Variants in SCAF11 observed in about 807,000 individuals in gnomAD.
SCAF11 encodes SR-related CTD associated factor 11.
Under a neutral mutation model 140.5 loss-of-function variants are expected in SCAF11, and 47 were observed. The observed-to-expected ratio is 0.33, with a 90% CI of 0.26 to 0.43. The LOEUF is 0.43. SCAF11 is among the 20% of genes least tolerant of loss of function. The pLI is 1.00. For synonymous variants in SCAF11, 557 were observed against 579.4 expected, an observed-to-expected ratio of 0.96 and a Z score of 0.55; for missense variants, 1,645 against 1,705.1, an observed-to-expected ratio of 0.96 and a Z score of 0.62.
intron 13 of SCAF11, 57 bp downstream of exon 13, chr12:45,922,878 AT>A: frequency 6.7e-7 from 1 of 1,485,502 alleles, no homozygotes; most frequent in Non-Finnish European, 9.4e-7. Context: ...AAAAGCTGAT[AT>A]TTTTTCTCCT....
At position 45,922,811 on chromosome 12, in the gene SCAF11, AAAT is replaced by A. The variant is rs1404660005; in HGVS notation, c.4125+122_4125+124del. 2.1e-5 allele frequency: 19 copies of A among 926,718 alleles called. No homozygotes were observed. In the Admixed American group the frequency reaches 3.4e-4, roughly 16 times the overall value. The allele number at this position is 926,718 out of a possible 1,614,324, so 57.4% of individuals were successfully genotyped here. ...TCAACACATCTAGAGAGAATCCTTCAAATAATAATGGCATTTAGACAGCCAATA... is the reference window on the plus strand; with the variant it reads ...TCAACACATCTAGAGAGAATCCTTCAAATAATGGCATTTAGACAGCCAATA... On this transcript the variant is annotated intron_variant, in intron 13 of 14. Coordinates refer to ENST00000369367, the MANE Select transcript of SCAF11 (RefSeq NM_004719.3).
intron 1 of SCAF11, among the ~76,000 whole-genome samples, chr12:45,985,445 T>C (rs1050339375): frequency 1.3e-4 from 20 of 152,160 alleles, no homozygotes; most frequent in South Asian, 2.1e-4. Flanking sequence ...TACCATTCTG[T>C]TTGAGCTCTA....
Position 45,926,961 on chromosome 12 carries a change from G to A in SCAF11, c.2740C>T (p.Arg914Ter). 4 of 1,612,198 alleles carry A rather than the reference G, an allele frequency of 2.5e-6. No individual in the cohort carries two copies. Among genetic ancestry groups the A allele is most frequent in the Non-Finnish European group, 3.4e-6 (4 of 1,179,944 alleles). ...CTCTGCCCATCTCTATCACTTTCTCGTTCTCTGCTCTGGGACCTGGATTTT... is the reference window on the plus strand; with the variant it reads ...CTCTGCCCATCTCTATCACTTTCTCATTCTCTGCTCTGGGACCTGGATTTT... ...GEKSRSQSRE[R>*]ESDRDGQRRE... The change falls in exon 11 of 15, where the codon CGA (arginine) becomes TGA (stop). Residue 914 changes from arginine (R) to a stop codon, truncating the protein, a stop_gained. Coordinates refer to ENST00000369367, the MANE Select transcript of SCAF11 (RefSeq NM_004719.3). LOFTEE classifies it high-confidence loss of function.
intron 1 of SCAF11, among the ~76,000 whole-genome samples, chr12:45,978,734 A>T (rs1946289218): frequency 6.6e-6 from 1 of 152,166 alleles, no homozygotes; most frequent in South Asian, 2.1e-4. Context: ...CACTTGGTGT[A>T]CCCTGGAAAG....
At chr12:45,922,222 T>C in intron 14 of SCAF11, 28 bp from the exon 15 acceptor site, 1 of 1,580,980 alleles carries the variant, frequency 6.3e-7, no homozygotes, top group Non-Finnish European at 8.5e-7. Context: ...GGGGGTAAAC[T>C]TTTTTCATGC....
At position 45,927,845 on chromosome 12, in the gene SCAF11, A is replaced by G; in HGVS notation, c.1856T>C (p.Ile619Thr). 1 of 1,613,984 alleles carries G rather than the reference A, an allele frequency of 6.2e-7. No individual in the cohort carries two copies. The stretch of plus-strand genomic sequence containing the variant: ...AACAGATTGTCTGTCCACTGTCTGT[A>G]TAATTTCACCCTCAGAAGATTCTAA... ...PKLESSEGEI[I>T]QTVDRQSVKS... Residue 619 changes from isoleucine (I) to threonine (T), a missense_variant, in exon 11 of 15, where the codon ATA (isoleucine) becomes ACA (threonine). This residue lies in a region of SCAF11 where 1,582 missense variants were observed against 1,609.2 expected (regional missense o/e 0.98). Coordinates refer to ENST00000369367, the MANE Select transcript of SCAF11 (RefSeq NM_004719.3).
intron 5 of SCAF11, among the ~76,000 whole-genome samples, chr12:45,946,516 C>G (rs995304784): frequency 1.3e-5 from 2 of 152,026 alleles, no homozygotes; most frequent in African/African-American, 4.8e-5. Flanking sequence ...TCAGAAAAAG[C>G]AGTTAAATAT....
rs146968172 is a variant in SCAF11, at chr12:45,919,637, C to T, written c.*2411G>A. ...ATGTATTTTTTCAACATAAAGCATG[C>T]ATTTTCTAATACATTCTTAAACATT... On this transcript the variant is annotated 3_prime_UTR_variant, in exon 15 of 15. Coordinates refer to ENST00000369367, the MANE Select transcript of SCAF11 (RefSeq NM_004719.3). The T allele has an allele frequency of 1.3e-5, 2 of 152,272 alleles. No homozygotes were observed. The highest frequency in any genetic ancestry group is 4.8e-5 in the African/African-American group (2 of 41,576). The allele number at this position is 152,272 out of a possible 1,614,324, so 9.4% of individuals were successfully genotyped here.
At chr12:45,991,259 C>A (rs1946604052), upstream of SCAF11, among the ~76,000 whole-genome samples, 1 of 152,212 alleles carries the variant, frequency 6.6e-6, no homozygotes, top group East Asian at 1.9e-4. Context: ...TGTCTTAACC[C>A]CACATCACAA....
rs115343245 is a variant in SCAF11 at position 45,971,775 on chromosome 12, T to C, written c.-21-7587A>G. ...TTCCCAAATGATCTGGTGATGGTAG[T>C]GGGTGCAACAGTGGCAGCAGCAGGA... On this transcript the variant is annotated intron_variant, in intron 1 of 14. Transcript: ENST00000369367. Among the ~76,000 whole-genome samples, 413 of 152,146 alleles carry C rather than the reference T, an allele frequency of 2.7e-3. 3 individuals carry two copies. Among genetic ancestry groups the C allele is most frequent in the African/African-American group, 9.3e-3 (388 of 41,498 alleles).
chr12:45,972,931 T>TATATAGATATAGATATAGATATCG, intron 1 of SCAF11, among the ~76,000 whole-genome samples: 1 of 76,186 alleles, frequency 1.3e-5, no homozygotes, highest in South Asian at 3.2e-4. Context: ...GATATATAGA[T>TATATAGATATAGATATAGATATCG]ATATATAGAT....
At chr12:45,937,090 T>C (rs1020468791) in intron 6 of SCAF11, among the ~76,000 whole-genome samples, 4 of 152,168 alleles carry the variant, frequency 2.6e-5, no homozygotes, top group African/African-American at 9.6e-5. Context: ...TCTTCATATC[T>C]GGACACCTGT....
At chr12:45,972,864 C>T (rs11183256) in intron 1 of SCAF11, among the ~76,000 whole-genome samples, 8 of 66,324 alleles carry the variant, frequency 1.2e-4, no homozygotes, top group South Asian at 1.1e-3. Flanking sequence ...ATATATATAT[C>T]GATATATATA....
chr12:45,971,935 C>T (rs887376227), intron 1 of SCAF11, among the ~76,000 whole-genome samples: 10 of 152,060 alleles, frequency 6.6e-5, no homozygotes, highest in African/African-American at 1.4e-4. Flanking sequence ...AAATGAAAAC[C>T]AATTTTCTGG....
chr12:45,929,440 G>A (rs1944990265), intron 10 of SCAF11: 1 of 152,252 alleles, frequency 6.6e-6, no homozygotes, highest in South Asian at 2.1e-4. Flanking sequence ...ATACAGGCGT[G>A]AGCTACTGTG....
In SCAF11 at chr12:45,948,502, G is replaced by T; in HGVS notation, c.333C>A (p.Asp111Glu). 1 of 1,610,770 alleles carries T rather than the reference G, an allele frequency of 6.2e-7. No homozygotes were observed. The highest frequency in any genetic ancestry group is 8.5e-7 in the Non-Finnish European group (1 of 1,178,782). The stretch of plus-strand genomic sequence containing the variant: ...TCTCAAATGAGTTTTCATTTTTCTT[G>T]TCTTTTGTTTCTCTCAGCTGTTTTT... ...QVKKQLRETK[D>E]KKNENSFEKQ... The change falls in exon 5 of 15, where the codon GAC (aspartate) becomes GAA (glutamate). Residue 111 changes from aspartate to glutamate, a missense_variant. Coordinates refer to ENST00000369367, the MANE Select transcript of SCAF11 (RefSeq NM_004719.3).
At chr12:45,929,063 T>C (rs1024750058) in intron 10 of SCAF11, 7 of 341,064 alleles carry the variant, frequency 2.1e-5, no homozygotes, top group Admixed American at 4.7e-5. Context: ...AAATAAGTTA[T>C]AACTAGATTT....
In SCAF11 at chr12:45,923,010, C is replaced by T; in HGVS notation, c.4051G>A (p.Ala1351Thr). ...SSSSHSKASN[A>T]AVKLAESKVS... ...TTGCTTTCTGCCAATTTTACAGCAG[C>T]ATTAGAGGCTTTGCTGTGACTTGAT... The change falls in exon 13 of 15, where the codon GCT becomes ACT. Residue 1351 changes from alanine (A) to threonine (T), a missense_variant. Transcript: ENST00000369367. The T allele has an allele frequency of 1.9e-6, 3 of 1,614,184 alleles. No homozygotes were observed. Among genetic ancestry groups the T allele is most frequent in the African/African-American group, 2.7e-5 (2 of 75,048 alleles).
At position 45,927,883 on chromosome 12, in the gene SCAF11, T is replaced by A; in HGVS notation, c.1818A>T (p.Ile606=). 1 of 1,613,094 alleles carries A rather than the reference T, an allele frequency of 6.2e-7. No individual in the cohort carries two copies. The highest frequency in any genetic ancestry group is 8.5e-7 in the Non-Finnish European group (1 of 1,179,798). The change falls in exon 11 of 15, where the codon ATA becomes ATT. Residue 606 remains isoleucine, a synonymous_variant. Transcript: ENST00000369367. The stretch of plus-strand genomic sequence containing the variant: ...CAGAAGATTCTAACTTGGGGCTCTC[T>A]ATAAGCTCCTCTGTTTTTAGTGTAA... The part of the protein sequence containing the change: ...KDFTLKTEEL[I]ESPKLESSEG...
Sources: allele counts gnomAD v4.1 joint callset (sites outside exome capture counted in the v4.1 genomes callset), GRCh38; gene constraint gnomAD v4.1.1; regional missense constraint gnomAD v4.1.1; transcripts MANE v1.5; gene names NCBI Gene and HGNC (gene_info 2026-07-23, HGNC 2026-07-21).